The following MIS18A variants were observed in gnomAD, a reference collection of about 807,000 sequenced individuals.
MIS18A encodes the protein MIS18 kinetochore protein A, also known as protein Mis18-alpha.
In MIS18A, 14 loss-of-function variants were observed where a neutral mutation model predicts 25.0. The observed-to-expected ratio is 0.56, with a 90% CI of 0.37 to 0.88. The LOEUF (loss-of-function observed/expected upper bound fraction) is 0.88. Ranked by LOEUF, MIS18A falls within the 40% of genes least tolerant of loss-of-function variation. MIS18A has a pLI of 0.00. For missense variants in MIS18A, 292 were observed against 290.8 expected, an observed-to-expected ratio of 1.00 and a Z score of -0.03; for synonymous variants, 134 against 118.6, an observed-to-expected ratio of 1.13 and a Z score of -0.84.
chr21:32,253,173 A>T, the MIS18A span, among the ~76,000 whole-genome samples: 1 of 151,866 alleles, frequency 6.6e-6, no homozygotes, highest in African/African-American at 2.4e-5. Flanking sequence ...CACGACCCCC[A>T]GCATCAGAGT....
chr21:32,278,985 G>C lies in MIS18A; in HGVS notation c.30C>G (p.Ser10Arg), dbSNP rs2031880163. The C allele has an allele frequency of 1.2e-6, 2 of 1,609,496 alleles. No homozygotes were observed. The highest frequency in any genetic ancestry group is 2.2e-5 in the East Asian group (1 of 44,838). The change falls in exon 1 of 5, where the codon AGC becomes AGG. Residue 10 changes from serine to arginine, a missense_variant. Coordinates refer to ENST00000290130, the MANE Select transcript of MIS18A (RefSeq NM_018944.3). ...ACTCACAGCCGCCAGCGCATCCTCT[G>C]CTACACCTCAGTGACCGAACGCCTG... is the stretch of plus-strand genomic sequence containing the variant. The part of the protein sequence containing the change: MAGVRSLRC[S>R]RGCAGGCECG...
the MIS18A span, among the ~76,000 whole-genome samples, chr21:32,184,319 C>A: frequency 6.6e-6 from 1 of 152,232 alleles, no homozygotes; most frequent in Non-Finnish European, 1.5e-5. Context: ...ACCAGGATCT[C>A]ACTTCCATAC....
the MIS18A span, among the ~76,000 whole-genome samples, chr21:32,253,484 C>T: frequency 6.6e-6 from 1 of 151,372 alleles, no homozygotes; most frequent in Non-Finnish European, 1.5e-5. Context: ...CTTTCAACAG[C>T]CATTTTTATC....
At chr21:32,222,774 C>T in the MIS18A span, among the ~76,000 whole-genome samples, 1 of 151,300 alleles carries the variant, frequency 6.6e-6, no homozygotes, top group African/African-American at 2.4e-5. Flanking sequence ...AATAAAAATA[C>T]AAAAAAATTA....
chr21:32,266,948 G>A (rs561624954), downstream of MIS18A, among the ~76,000 whole-genome samples: 7 of 150,850 alleles, frequency 4.6e-5, no homozygotes, highest in Non-Finnish European at 8.9e-5. Flanking sequence ...TTTAGCAGGT[G>A]GATATATGGG....
At chr21:32,233,105 C>T in the MIS18A span, among the ~76,000 whole-genome samples, 2 of 152,202 alleles carry the variant, frequency 1.3e-5, no homozygotes, top group Admixed American at 6.5e-5. Context: ...CAACAGGTTT[C>T]TTTAAATAGG....
the MIS18A span, among the ~76,000 whole-genome samples, chr21:32,193,614 G>C: frequency 2.0e-5 from 3 of 151,876 alleles, no homozygotes; most frequent in Non-Finnish European, 4.4e-5. Flanking sequence ...GAAACTAATG[G>C]TTTCTGTTTC....
At chr21:32,236,102 C>T in the MIS18A span, among the ~76,000 whole-genome samples, 4 of 151,774 alleles carry the variant, frequency 2.6e-5, no homozygotes, top group African/African-American at 9.7e-5. Flanking sequence ...GGGCCGGGTA[C>T]GGTGGCTCAC....
intron 4 of MIS18A, 197 bp downstream of exon 4, chr21:32,269,510 C>A: frequency 1.9e-6 from 1 of 519,386 alleles, no homozygotes; most frequent in Non-Finnish European, 3.4e-6. Context: ...CATGACATGT[C>A]TTCCTCATTA....
In MIS18A at chr21:32,276,460, CAAAAAAAAAA is replaced by C. The variant is rs558102501; in HGVS notation, c.335-1574_335-1565del. Reference sequence around the variant, plus strand: ...TGGGCAACACAGTGAGACTCTGTCTCAAAAAAAAAAAAAAAAAAAAAAAAAAGGAAAATAT... The same window carrying C: ...TGGGCAACACAGTGAGACTCTGTCTCAAAAAAAAAAAAAAAAGGAAAATAT... On this transcript the variant is annotated intron_variant, in intron 1 of 4. Coordinates refer to ENST00000290130, the MANE Select transcript of MIS18A (RefSeq NM_018944.3). Among the ~76,000 whole-genome samples, 66 of 72,734 alleles carry C rather than the reference CAAAAAAAAAA, an allele frequency of 9.1e-4. 1 individual carries two copies. The highest frequency in any genetic ancestry group is 9.8e-3 in the Middle Eastern group (1 of 102). The allele number at this position is 72,734 out of a possible 152,430, so 47.7% of individuals were successfully genotyped here. A position where few individuals can be genotyped will look rare whatever the true frequency, so the allele number is the denominator to read the frequency against.
At chr21:32,214,728 G>C in the MIS18A span, among the ~76,000 whole-genome samples, 1 of 152,226 alleles carries the variant, frequency 6.6e-6, no homozygotes, top group East Asian at 1.9e-4. Context: ...AATGACAATA[G>C]CAATGTTACC....
the MIS18A span, among the ~76,000 whole-genome samples, chr21:32,212,892 T>A: frequency 6.6e-6 from 1 of 152,222 alleles, no homozygotes; most frequent in Non-Finnish European, 1.5e-5. Context: ...TTGTGAGGCC[T>A]CCCCAGCCAT....
chr21:32,189,207 G>A, the MIS18A span, among the ~76,000 whole-genome samples: 1 of 152,210 alleles, frequency 6.6e-6, no homozygotes, highest in African/African-American at 2.4e-5. Flanking sequence ...TCACGATGTG[G>A]TCCTTGCCCA....
chr21:32,275,473 G>C (rs945823674), intron 1 of MIS18A, among the ~76,000 whole-genome samples: 1 of 152,106 alleles, frequency 6.6e-6, no homozygotes. Flanking sequence ...TTCTCTAAAA[G>C]TAACTGAGAG....
the MIS18A span, among the ~76,000 whole-genome samples, chr21:32,254,493 T>C: frequency 1.3e-5 from 2 of 151,930 alleles, no homozygotes; most frequent in Admixed American, 1.3e-4. Context: ...ATTGCGTCAT[T>C]GCACTCCAGC....
chr21:32,213,527 C>T, the MIS18A span, among the ~76,000 whole-genome samples: 2 of 152,210 alleles, frequency 1.3e-5, no homozygotes, highest in Non-Finnish European at 2.9e-5. Context: ...ACTACAGTTC[C>T]TTCTAGGGAG....
the MIS18A span, among the ~76,000 whole-genome samples, chr21:32,184,053 C>A: frequency 6.6e-6 from 1 of 152,210 alleles, no homozygotes; most frequent in African/African-American, 2.4e-5. Context: ...CCCACTCTGT[C>A]TACACCCATT....
Position 32,268,896 on chromosome 21 carries a change from TC to T in MIS18A, c.*140del. On this transcript the variant is annotated 3_prime_UTR_variant, in exon 5 of 5. Transcript: ENST00000290130. ...GCCTCAACCTCCCAAGCTCATCTGA[TC>T]CTCCCACCTCAGCGTTTCGCATGCC... 1 of 549,494 alleles carries T rather than the reference TC, an allele frequency of 1.8e-6. No individual in the cohort carries two copies. The highest frequency in any genetic ancestry group is 3.5e-5 in the South Asian group (1 of 28,232). 34.0% of individuals were successfully genotyped at this position (549,494 alleles called of 1,614,324 possible).
At chr21:32,167,068 T>A in the MIS18A span, among the ~76,000 whole-genome samples, 1 of 152,002 alleles carries the variant, frequency 6.6e-6, no homozygotes, top group Non-Finnish European at 1.5e-5. Flanking sequence ...AGAAAAAAAA[T>A]TTAAAGAAAT....
Sources: gnomAD v4.1 joint callset for allele counts (sites outside exome capture counted in the v4.1 genomes callset) on GRCh38, gnomAD v4.1.1 for gene constraint, MANE v1.5 for transcripts, NCBI Gene and HGNC (gene_info 2026-07-23, HGNC 2026-07-21) for gene names.